The following ARHGEF10 variants were observed in gnomAD, a reference collection of about 807,000 sequenced individuals.
The protein encoded by ARHGEF10 is Rho guanine nucleotide exchange factor (GEF) 10.
A neutral mutation model predicts 147.4 loss-of-function variants in ARHGEF10; 140 were observed. That is an observed-to-expected ratio of 0.95 (90% CI 0.83 to 1.09). The LOEUF (loss-of-function observed/expected upper bound fraction) is 1.09, where lower values mean the gene tolerates loss of function less well. Ranked by LOEUF, ARHGEF10 falls within the 50% of genes least tolerant of loss-of-function variation. ARHGEF10 has a pLI of 0.00. For synonymous variants in ARHGEF10, 902 were observed against 695.8 expected, an observed-to-expected ratio of 1.30 and a Z score of -4.67; for missense variants, 2,222 against 1,752.7, an observed-to-expected ratio of 1.27 and a Z score of -4.78.
In ARHGEF10 at chr8:1,826,088, G is replaced by A. The variant is rs778530554; in HGVS notation, c.-48+1975G>A. On this transcript the variant is annotated intron_variant, in intron 1 of 28. Coordinates refer to ENST00000349830, the MANE Select transcript of ARHGEF10 (RefSeq NM_014629.4). ...TTAGCAGCCAACATCGGCAGTTACG[G>A]ATGCATAACTCTTTATAGACAGATG... The A allele has an allele frequency of 1.9e-6, 3 of 1,592,574 alleles. No individual in the cohort carries two copies. In the South Asian group the frequency reaches 3.3e-5, roughly 18 times the overall value.
Position 1,957,686 on chromosome 8 carries a change from A to G in ARHGEF10, c.*423A>G, listed in dbSNP as rs1236335581. On this transcript the variant is annotated 3_prime_UTR_variant, in exon 29 of 29. Coordinates refer to ENST00000349830, the MANE Select transcript of ARHGEF10 (RefSeq NM_014629.4). ...GTGCAGGCATTTATTAACAATTCTT[A>G]AAAGTTTTACCTGATTCAGATTCAC... 7 of 163,932 alleles carry G rather than the reference A, an allele frequency of 4.3e-5. No homozygotes were observed. Among genetic ancestry groups the G allele is most frequent in the Non-Finnish European group, 9.2e-5 (7 of 75,938 alleles). The allele number at this position is 163,932 out of a possible 1,614,324, so 10.2% of individuals were successfully genotyped here. A position where few individuals can be genotyped will look rare whatever the true frequency, so the allele number is the denominator to read the frequency against.
intron 18 of ARHGEF10, among the ~76,000 whole-genome samples, chr8:1,918,425 A>G (rs1811920639): frequency 6.8e-6 from 1 of 147,540 alleles, no homozygotes; most frequent in Admixed American, 6.8e-5. Flanking sequence ...GGGAAAGAGT[A>G]TTCTCCCTTC....
At chr8:1,928,111 G>A (rs114565472) in intron 23 of ARHGEF10, among the ~76,000 whole-genome samples, 3,437 of 152,186 alleles carry the variant, frequency 0.023, 131 homozygotes, top group African/African-American at 0.079. Flanking sequence ...TGCTTCTTAG[G>A]ATTTTAAATT....
Position 1,909,365 on chromosome 8 carries a change from G to A in ARHGEF10, c.2038G>A (p.Val680Met), listed in dbSNP as rs1246550019. The change falls in exon 18 of 29, where the codon GTG becomes ATG. Residue 680 changes from valine (V) to methionine (M), a missense_variant. Coordinates refer to ENST00000349830, the MANE Select transcript of ARHGEF10 (RefSeq NM_014629.4). ...LLKWSVPLGHVDAIEYGSSAG... is the reference protein window; with the variant it reads ...LLKWSVPLGHMDAIEYGSSAG... ...GAAGTGGAGCGTTCCACTGGGACAT[G>A]TGGACGCCATCGAGTATGGCAGCAG... is the stretch of plus-strand genomic sequence containing the variant. 11 of 1,614,240 alleles carry A rather than the reference G, an allele frequency of 6.8e-6. No individual in the cohort carries two copies. Among genetic ancestry groups the A allele is most frequent in the Non-Finnish European group, 9.3e-6 (11 of 1,180,050 alleles).
At chr8:1,862,215 G>A (rs1335117697) in intron 4 of ARHGEF10, among the ~76,000 whole-genome samples, 1 of 152,220 alleles carries the variant, frequency 6.6e-6, no homozygotes, top group Admixed American at 6.5e-5. Context: ...TCCTTGCTCT[G>A]GAGCCTCCCT....
At chr8:1,832,530 A>C (rs1417886137) in intron 1 of ARHGEF10, among the ~76,000 whole-genome samples, 1 of 142,376 alleles carries the variant, frequency 7.0e-6, no homozygotes. Flanking sequence ...AGAGGTAGAG[A>C]GACACAGAGG....
At chr8:1,848,636 G>T (rs915715397) in intron 2 of ARHGEF10, among the ~76,000 whole-genome samples, 2 of 151,954 alleles carry the variant, frequency 1.3e-5, no homozygotes, top group Non-Finnish European at 2.9e-5. Context: ...TCTAAATTGG[G>T]TAATTAAAAA....
At chr8:1,890,218 C>T (rs1422675452) in intron 11 of ARHGEF10, among the ~76,000 whole-genome samples, 1 of 129,572 alleles carries the variant, frequency 7.7e-6, no homozygotes, top group Admixed American at 7.3e-5. Flanking sequence ...TGAAGAGACA[C>T]TGAGTGGGGT....
chr8:1,870,732 A>C (rs1255696767), intron 7 of ARHGEF10: 1 of 152,216 alleles, frequency 6.6e-6, no homozygotes, highest in Non-Finnish European at 1.5e-5. Flanking sequence ...AAAATATAAC[A>C]AGGCTTAATC....
At chr8:1,890,388 G>T (rs1168698666) in intron 11 of ARHGEF10, among the ~76,000 whole-genome samples, 1 of 150,392 alleles carries the variant, frequency 6.6e-6, no homozygotes, top group Admixed American at 6.6e-5. Flanking sequence ...TCTGTGAGGA[G>T]ACACTGAATT....
intron 1 of ARHGEF10, among the ~76,000 whole-genome samples, chr8:1,829,432 C>T (rs575856625): frequency 6.6e-6 from 1 of 152,354 alleles, no homozygotes; most frequent in Non-Finnish European, 1.5e-5. Flanking sequence ...GGGCTGGAGC[C>T]AGCCCCTGAC....
intron 26 of ARHGEF10, among the ~76,000 whole-genome samples, chr8:1,941,021 T>C (rs188905332): frequency 6.6e-6 from 1 of 152,336 alleles, no homozygotes. Context: ...ACATCATACT[T>C]TATGGTTAAA....
intron 26 of ARHGEF10, chr8:1,943,938 G>A (rs1814317345): frequency 6.6e-6 from 1 of 152,324 alleles, no homozygotes; most frequent in Admixed American, 6.5e-5. Context: ...CAGGGGACCT[G>A]GGGGGTTCCA....
chr8:1,855,051 G>A (rs1805447812), intron 2 of ARHGEF10, among the ~76,000 whole-genome samples: 1 of 152,126 alleles, frequency 6.6e-6, no homozygotes, highest in African/African-American at 2.4e-5. Context: ...ACGGGCTCCT[G>A]TTCACGGCCT....
intron 3 of ARHGEF10, among the ~76,000 whole-genome samples, 184 bp from the exon 4 acceptor site, chr8:1,859,713 T>G (rs1240254821): frequency 6.6e-6 from 1 of 152,040 alleles, no homozygotes. Context: ...TGCCCAGAGG[T>G]GATGCTGGGT....
At chr8:1,907,624 G>A (rs543077894) in intron 17 of ARHGEF10, among the ~76,000 whole-genome samples, 29 of 152,308 alleles carry the variant, frequency 1.9e-4, no homozygotes, top group Admixed American at 5.2e-4. Context: ...GCTGCCAGAC[G>A]TGGTGTACTT....
At chr8:1,945,712 G>T (rs1035908459) in intron 27 of ARHGEF10, 57 bp downstream of exon 27, 5 of 1,606,334 alleles carry the variant, frequency 3.1e-6, no homozygotes, top group African/African-American at 2.7e-5. Context: ...GGACGTGGGG[G>T]GTGCGGAGCG....
intron 26 of ARHGEF10, chr8:1,943,960 G>T (rs375638052): frequency 6.6e-6 from 1 of 152,256 alleles, no homozygotes; most frequent in Non-Finnish European, 1.5e-5. Context: ...TTTGCTCCAG[G>T]GGGGTGGACA....
In ARHGEF10 at chr8:1,948,110, C is replaced by T. The variant is rs1287444188; in HGVS notation, c.3397+2455C>T. On this transcript the variant is annotated intron_variant, in intron 27 of 28. Transcript: ENST00000349830. This position sits in a 1 kb window ranked among gnomAD's most constrained non-coding sequence, Gnocchi z 4.9. ...CTTCAGCTCATAGTTTCCAGGCGGC[C>T]GATGATGGATCCATCCCAAGCCCAC... 2.0e-5 allele frequency among the ~76,000 whole-genome samples: 3 copies of T among 151,974 alleles called. No homozygotes were observed. The highest frequency in any genetic ancestry group is 7.3e-5 in the African/African-American group (3 of 41,364).
Sources: allele counts gnomAD v4.1 joint callset (sites outside exome capture counted in the v4.1 genomes callset), GRCh38; gene constraint gnomAD v4.1.1; non-coding constraint Gnocchi (gnomAD v3.1); transcripts MANE v1.5; gene names NCBI Gene and HGNC (gene_info 2026-07-23, HGNC 2026-07-21).